The following DTWD1 variants were observed in gnomAD, a reference collection of about 807,000 sequenced individuals.
DTWD1 encodes the protein tRNA-uridine aminocarboxypropyltransferase 1.
DTWD1 carries 27 observed loss-of-function variants against 30.2 expected under a neutral mutation model. The ratio of observed to expected loss-of-function variants is 0.90; its 90% CI spans 0.66 to 1.23. The LOEUF (loss-of-function observed/expected upper bound fraction) is 1.23. Among genes scored for constraint, DTWD1 ranks in the 50% most tolerant of loss-of-function variants. The probability of loss-of-function intolerance (pLI) is 0.00; values close to 1 mark genes in which losing one functional copy is unlikely to be tolerated. For synonymous variants in DTWD1, 99 were observed against 113.1 expected (o/e 0.88, Z 0.79); for missense variants, 342 against 348.8 (o/e 0.98, Z 0.15).
rs867023299 is a variant in DTWD1, at chr15:49,645,203, C to A, written c.*1625C>A. 2.6e-5 allele frequency: 4 copies of A among 152,134 alleles called. No individual in the cohort carries two copies. Among genetic ancestry groups the A allele is most frequent in the Non-Finnish European group, 5.9e-5 (4 of 68,002 alleles). 9.4% of individuals were successfully genotyped at this position (152,134 alleles called of 1,614,324 possible). On this transcript the variant is annotated 3_prime_UTR_variant, in exon 5 of 5. Transcript: ENST00000403028. Reference sequence around the variant, plus strand: ...CTATTAACATGCCATGGAAATAGGACGTTTGGAGTATTGTAATTAAGAACA... The same window carrying A: ...CTATTAACATGCCATGGAAATAGGAAGTTTGGAGTATTGTAATTAAGAACA...
In DTWD1 at chr15:49,649,653, C is replaced by G. The variant is rs1405312130; in HGVS notation, c.*6075C>G. On this transcript the variant is annotated 3_prime_UTR_variant, in exon 5 of 5. Transcript: ENST00000403028. ...TCGGGAGGCTGAAGCAGGAGAATCA[C>G]TTAGAACCTGGGAGGCAGAAGTTGT... 6.6e-6 allele frequency: 1 copy of G among 152,260 alleles called. No homozygotes were observed. The highest frequency in any genetic ancestry group is 1.5e-5 in the Non-Finnish European group (1 of 68,148). 9.4% of individuals were successfully genotyped at this position (152,260 alleles called of 1,614,324 possible). A position where few individuals can be genotyped will look rare whatever the true frequency, so the allele number is the denominator to read the frequency against.
rs1382239114 is a variant in DTWD1 at position 49,652,816 on chromosome 15, G to A, written c.*9238G>A. The stretch of plus-strand genomic sequence containing the variant: ...CACTGCCTGATTCACTTTAAGAAAG[G>A]ACTGACCTCCCAGTTGCAAGGAATG... On this transcript the variant is annotated 3_prime_UTR_variant, in exon 5 of 5. Transcript: ENST00000403028. 1.3e-5 allele frequency: 2 copies of A among 152,100 alleles called. No homozygotes were observed. Among genetic ancestry groups the A allele is most frequent in the Non-Finnish European group, 2.9e-5 (2 of 68,028 alleles). The allele number at this position is 152,100 out of a possible 1,614,324, so 9.4% of individuals were successfully genotyped here.
chr15:49,635,017 C>T (rs1024223216), intron 4 of DTWD1, among the ~76,000 whole-genome samples: 1 of 152,088 alleles, frequency 6.6e-6, no homozygotes, highest in African/African-American at 2.4e-5. Context: ...TAACACTTCA[C>T]CCTTAAATAT....
chr15:49,625,602 C>T, intron 2 of DTWD1, 171 bp downstream of exon 2: 1 of 680,376 alleles, frequency 1.5e-6, no homozygotes, highest in Non-Finnish European at 2.4e-6. Flanking sequence ...CTCAGCAGGG[C>T]ACATTTACTT....
intron 1 of DTWD1, chr15:49,623,673 A>C (rs1704929876): frequency 6.6e-6 from 1 of 152,154 alleles, no homozygotes; most frequent in African/African-American, 2.4e-5. Flanking sequence ...TTTTCTAGGG[A>C]TGCGGTTTAA....
At chr15:49,629,906 C>T (rs867950910) in intron 2 of DTWD1, 1 of 152,242 alleles carries the variant, frequency 6.6e-6, no homozygotes, top group South Asian at 2.1e-4. Flanking sequence ...AGGCCAAGGT[C>T]CTCCAGGGGT....
rs900438893 is a variant in DTWD1, at chr15:49,654,082, C to T, written c.*10504C>T. 6.6e-6 allele frequency: 1 copy of T among 151,940 alleles called. No individual in the cohort carries two copies. Among genetic ancestry groups the T allele is most frequent in the African/African-American group, 2.4e-5 (1 of 41,368 alleles). The allele number at this position is 151,940 out of a possible 1,614,324, so 9.4% of individuals were successfully genotyped here. A position where few individuals can be genotyped will look rare whatever the true frequency, so the allele number is the denominator to read the frequency against. ...CTTGTCTCCTTTTTTGAATGATAGT[C>T]TCTGTGTGGTGTTCCTATCCTAGAA... is the stretch of plus-strand genomic sequence containing the variant. On this transcript the variant is annotated 3_prime_UTR_variant, in exon 5 of 5. Transcript: ENST00000403028.
At position 49,632,192 on chromosome 15, in the gene DTWD1, A is replaced by G. The variant is rs941835860; in HGVS notation, c.298A>G (p.Asn100Asp). 6 of 1,588,948 alleles carry G rather than the reference A, an allele frequency of 3.8e-6. No individual in the cohort carries two copies. The African/African-American group carries it at 4.1e-5, about 11-fold the overall frequency. ...PLKIDIIKHP[N>D]ETDGKSTAIH... is the part of the protein sequence containing the mutation. ...GAAGATTGACATCATTAAACATCCA[A>G]ATGAAACAGATGGCAAAAGTACTGC... The change falls in exon 3 of 5, where the codon AAT becomes GAT. Residue 100 changes from asparagine to aspartate, a missense_variant. Asn to Asp is a conservative substitution (Grantham distance 23). Transcript: ENST00000403028.
rs907780597 is a variant in DTWD1 at position 49,644,413 on chromosome 15, C to T, written c.*835C>T. On this transcript the variant is annotated 3_prime_UTR_variant, in exon 5 of 5. Transcript: ENST00000403028. ...GTGGAGAGAAAAAGAGAGACTGAGT[C>T]CTGATGACATCATTTATTTACCTAG... 14 of 152,060 alleles carry T rather than the reference C, an allele frequency of 9.2e-5. No individual in the cohort carries two copies. Among genetic ancestry groups the T allele is most frequent in the Admixed American group, 8.5e-4 (13 of 15,244 alleles). 9.4% of individuals were successfully genotyped at this position (152,060 alleles called of 1,614,324 possible). A position where few individuals can be genotyped will look rare whatever the true frequency, so the allele number is the denominator to read the frequency against.
At chr15:49,623,179 A>T (rs1037840678) in intron 1 of DTWD1, among the ~76,000 whole-genome samples, 88 of 152,164 alleles carry the variant, frequency 5.8e-4, no homozygotes, top group Non-Finnish European at 1.5e-5. Flanking sequence ...TAGCTACTCC[A>T]TTACCCAGGG....
chr15:49,634,558 C>A lies in DTWD1; in HGVS notation c.431C>A (p.Pro144His). The part of the protein sequence containing the change: ...DHEVALIFPG[P>H]QSISIKDISF... ...TAGGTTGCACTCATTTTTCCTGGAC[C>A]TCAGTCTATCTCAATAAAAGATATT... The change falls in exon 4 of 5, where the codon CCT (proline) becomes CAT (histidine). Residue 144 changes from proline to histidine, a missense_variant. Transcript: ENST00000403028. 2 of 1,609,850 alleles carry A rather than the reference C, an allele frequency of 1.2e-6. No homozygotes were observed.
rs2079171086 is a variant in DTWD1, at chr15:49,655,130, G to T, written c.*11552G>T. 6.6e-6 allele frequency: 1 copy of T among 152,016 alleles called. No homozygotes were observed. Among genetic ancestry groups the T allele is most frequent in the Non-Finnish European group, 1.5e-5 (1 of 67,986 alleles). 9.4% of individuals were successfully genotyped at this position (152,016 alleles called of 1,614,324 possible). ...TTCAACATATGAATTTCAGTGCATAGAAAGCACCAAGTCCTCAGACAAAGA... is the reference window on the plus strand; with the variant it reads ...TTCAACATATGAATTTCAGTGCATATAAAGCACCAAGTCCTCAGACAAAGA... On this transcript the variant is annotated 3_prime_UTR_variant, in exon 5 of 5. Transcript: ENST00000403028.
intron 3 of DTWD1, among the ~76,000 whole-genome samples, 171 bp downstream of exon 3, chr15:49,632,473 A>T (rs1374792194): frequency 6.6e-6 from 1 of 152,240 alleles, no homozygotes; most frequent in Non-Finnish European, 1.5e-5. Context: ...TTCAAAGATC[A>T]GATGTTTCTA....
chr15:49,625,756 C>T (rs2078834825), intron 2 of DTWD1, among the ~76,000 whole-genome samples: 1 of 152,060 alleles, frequency 6.6e-6, no homozygotes, highest in African/African-American at 2.4e-5. Flanking sequence ...TTCCAGTTGG[C>T]TAAGACTTAA....
intron 1 of DTWD1, among the ~76,000 whole-genome samples, chr15:49,622,141 A>G (rs2078745994): frequency 6.6e-6 from 1 of 152,134 alleles, no homozygotes; most frequent in African/African-American, 2.4e-5. Flanking sequence ...AATGGTTTTG[A>G]TTTAGTTAAC....
rs1435385375 is a variant in DTWD1, at chr15:49,650,783, TTTC to T, written c.*7213_*7215del. On this transcript the variant is annotated 3_prime_UTR_variant, in exon 5 of 5. Coordinates refer to ENST00000403028, the MANE Select transcript of DTWD1 (RefSeq NM_001144955.2). ...CAGAGCTCCCTCTATTACAACTTAA[TTTC>T]TTCTTCTGCCCAATCCTGCTTCCTC... is the stretch of plus-strand genomic sequence containing the variant. 3 of 152,216 alleles carry T rather than the reference TTTC, an allele frequency of 2.0e-5. No individual in the cohort carries two copies. The highest frequency in any genetic ancestry group is 4.4e-5 in the Non-Finnish European group (3 of 68,074). 9.4% of individuals were successfully genotyped at this position (152,216 alleles called of 1,614,324 possible).
intron 2 of DTWD1, chr15:49,626,965 A>G (rs1227996782): frequency 8.3e-6 from 2 of 241,102 alleles, no homozygotes. Flanking sequence ...TTTGAAGTAT[A>G]CGTAGAATTA....
At chr15:49,625,864 G>A (rs1368821780) in intron 2 of DTWD1, among the ~76,000 whole-genome samples, 1 of 151,952 alleles carries the variant, frequency 6.6e-6, no homozygotes, top group Non-Finnish European at 1.5e-5. Context: ...GTTTGGCCAT[G>A]TCAGGGCACA....
At chr15:49,641,041 GTTCT>G (rs1211759797) in intron 4 of DTWD1, among the ~76,000 whole-genome samples, 1 of 151,586 alleles carries the variant, frequency 6.6e-6, no homozygotes, top group Non-Finnish European at 1.5e-5. Context: ...TTAATTTATT[GTTCT>G]TTATTACTAT....
Sources: gnomAD v4.1 joint callset for allele counts (sites outside exome capture counted in the v4.1 genomes callset) on GRCh38, gnomAD v4.1.1 for gene constraint, MANE v1.5 for transcripts, NCBI Gene and HGNC (gene_info 2026-07-23, HGNC 2026-07-21) for gene names.